Variants in RPS6KC1 observed in about 807,000 individuals in gnomAD.
The protein encoded by RPS6KC1 is inactive ribosomal protein S6 kinase delta-1.
In RPS6KC1, 54 loss-of-function variants were observed where a neutral mutation model predicts 103.8. That is an observed-to-expected ratio of 0.52 (90% CI 0.42 to 0.65). The LOEUF is 0.65. Ranked by LOEUF, RPS6KC1 falls within the 30% of genes least tolerant of loss-of-function variation. The probability of loss-of-function intolerance (pLI) is 0.00; values close to 1 mark genes in which losing one functional copy is unlikely to be tolerated. For synonymous variants in RPS6KC1, 439 were observed against 438.7 expected, an observed-to-expected ratio of 1.00 and a Z score of -0.01; for missense variants, 1,151 against 1,253.8, an observed-to-expected ratio of 0.92 and a Z score of 1.24.
chr1:213,552,822 A>C, the RPS6KC1 span, among the ~76,000 whole-genome samples: 17 of 152,104 alleles, frequency 1.1e-4, no homozygotes, highest in African/African-American at 3.6e-4. Flanking sequence ...AGCAGTTGCA[A>C]ACGTGAAATG....
At chr1:213,260,073 T>C (rs1264732439) in intron 12 of RPS6KC1, among the ~76,000 whole-genome samples, 1 of 152,204 alleles carries the variant, frequency 6.6e-6, no homozygotes, top group Non-Finnish European at 1.5e-5. Flanking sequence ...TAATCCATCA[T>C]ACAGATGTGC....
chr1:213,416,145 G>A, the RPS6KC1 span, among the ~76,000 whole-genome samples: 3 of 152,196 alleles, frequency 2.0e-5, no homozygotes, highest in Non-Finnish European at 2.9e-5. Context: ...CATGCACCCG[G>A]CACTCTGCTG....
chr1:213,792,638 G>T, the RPS6KC1 span, among the ~76,000 whole-genome samples: 1 of 152,262 alleles, frequency 6.6e-6, no homozygotes, highest in South Asian at 2.1e-4. Flanking sequence ...ACAATTACAT[G>T]GGCGAGTGGC....
the RPS6KC1 span, among the ~76,000 whole-genome samples, chr1:213,630,443 G>A: frequency 6.6e-6 from 1 of 152,084 alleles, no homozygotes. Context: ...GTCCTTTAAG[G>A]ACTTCTCTGC....
At chr1:213,445,802 T>C in the RPS6KC1 span, among the ~76,000 whole-genome samples, 1 of 152,202 alleles carries the variant, frequency 6.6e-6, no homozygotes, top group Non-Finnish European at 1.5e-5. Flanking sequence ...GGCTGACTGC[T>C]AAGTGGCCGG....
chr1:213,281,822 G>T, the RPS6KC1 span, among the ~76,000 whole-genome samples: 1 of 152,118 alleles, frequency 6.6e-6, no homozygotes, highest in Non-Finnish European at 1.5e-5. Flanking sequence ...AAAACAACTC[G>T]CTGGGTTTAG....
At chr1:213,156,100 G>A (rs1036734385) in intron 6 of RPS6KC1, among the ~76,000 whole-genome samples, 1 of 152,164 alleles carries the variant, frequency 6.6e-6, no homozygotes, top group African/African-American at 2.4e-5. Flanking sequence ...GATCAGGTAA[G>A]GGCTTTAAGT....
the RPS6KC1 span, among the ~76,000 whole-genome samples, chr1:213,635,992 A>G: frequency 2.0e-5 from 3 of 152,372 alleles, no homozygotes; most frequent in Non-Finnish European, 4.4e-5. Flanking sequence ...ACAAAGAGCC[A>G]AATCATGAGT....
chr1:213,408,737 A>G, the RPS6KC1 span, among the ~76,000 whole-genome samples: 1 of 152,238 alleles, frequency 6.6e-6, no homozygotes, highest in Non-Finnish European at 1.5e-5. Context: ...GCACACATAT[A>G]CACACATATT....
chr1:213,065,619 G>A (rs898941570), intron 1 of RPS6KC1, among the ~76,000 whole-genome samples: 1 of 152,198 alleles, frequency 6.6e-6, no homozygotes, highest in Non-Finnish European at 1.5e-5. Context: ...ACACATTCGG[G>A]AATACTGAAT....
the RPS6KC1 span, among the ~76,000 whole-genome samples, chr1:213,723,491 G>T: frequency 6.6e-6 from 1 of 152,058 alleles, no homozygotes; most frequent in Non-Finnish European, 1.5e-5. Context: ...TGGTATATGG[G>T]TGTTTCCTAA....
chr1:213,152,178 G>A (rs2089170265), intron 6 of RPS6KC1, among the ~76,000 whole-genome samples: 1 of 143,416 alleles, frequency 7.0e-6, no homozygotes, highest in Non-Finnish European at 1.5e-5. Flanking sequence ...GGCCGGGCGG[G>A]GGGCTGACCC....
At chr1:213,112,467 T>A (rs895303412) in intron 4 of RPS6KC1, among the ~76,000 whole-genome samples, 3 of 151,902 alleles carry the variant, frequency 2.0e-5, no homozygotes, top group Admixed American at 6.6e-5. Context: ...ATTTTTTATA[T>A]CTTTAAAAAA....
intron 8 of RPS6KC1, among the ~76,000 whole-genome samples, chr1:213,177,411 T>A (rs183045849): frequency 1.3e-5 from 2 of 152,360 alleles, no homozygotes; most frequent in African/African-American, 4.8e-5. Flanking sequence ...TTACTATACA[T>A]TATTTGTGAA....
intron 3 of RPS6KC1, among the ~76,000 whole-genome samples, chr1:213,089,309 A>G (rs897903817): frequency 3.3e-5 from 5 of 152,096 alleles, no homozygotes; most frequent in Non-Finnish European, 7.4e-5. Context: ...CTTATATTCC[A>G]TGGTGCTTCA....
chr1:213,857,116 T>C, the RPS6KC1 span, among the ~76,000 whole-genome samples: 1 of 152,200 alleles, frequency 6.6e-6, no homozygotes, highest in Non-Finnish European at 1.5e-5. Context: ...AAGCTAGTTA[T>C]TGTTGACTTT....
At chr1:213,679,195 C>A in the RPS6KC1 span, among the ~76,000 whole-genome samples, 23 of 152,144 alleles carry the variant, frequency 1.5e-4, no homozygotes, top group Non-Finnish European at 7.3e-5. Context: ...GCCCTCTTAG[C>A]ACTCGTTGGC....
chr1:213,724,806 T>C, the RPS6KC1 span, among the ~76,000 whole-genome samples: 3 of 152,224 alleles, frequency 2.0e-5, no homozygotes, highest in Non-Finnish European at 2.9e-5. Context: ...AGTACTTACA[T>C]TTGTTGCTGT....
At chr1:213,343,391 GTATATATATATATATATATATATATATA>G in the RPS6KC1 span, among the ~76,000 whole-genome samples, 248 of 65,910 alleles carry the variant, frequency 3.8e-3, 15 homozygotes, top group South Asian at 0.023. Flanking sequence ...AGTGTTGTGT[GTATATATATATATATATATATATATATA>G]TATATATATA....
Sources: gnomAD v4.1 joint callset for allele counts (sites outside exome capture counted in the v4.1 genomes callset) on GRCh38, gnomAD v4.1.1 for gene constraint, MANE v1.5 for transcripts, NCBI Gene and HGNC (gene_info 2026-07-23, HGNC 2026-07-21) for gene names.